Variants in ARHGAP24 observed in about 807,000 individuals in gnomAD.
The protein encoded by ARHGAP24 is Rho GTPase activating protein 24.
A neutral mutation model predicts 76.4 loss-of-function variants in ARHGAP24; 50 were observed. That is an observed-to-expected ratio of 0.65 (90% CI 0.52 to 0.83). The LOEUF (loss-of-function observed/expected upper bound fraction) is 0.83, where lower values mean the gene tolerates loss of function less well. Among genes scored for constraint, ARHGAP24 ranks in the 40% least tolerant of loss-of-function variants. The pLI is 0.00. For synonymous variants in ARHGAP24, 345 were observed against 323.3 expected, an observed-to-expected ratio of 1.07 and a Z score of -0.72; for missense variants, 930 against 914.2, an observed-to-expected ratio of 1.02 and a Z score of -0.22.
chr4:85,514,456 T>C (rs983716603), intron 1 of ARHGAP24, among the ~76,000 whole-genome samples: 5 of 152,312 alleles, frequency 3.3e-5, no homozygotes, highest in African/African-American at 2.4e-5. Context: ...TTTTCCTTTT[T>C]GCATGTGAAT....
intron 1 of ARHGAP24, among the ~76,000 whole-genome samples, chr4:85,524,336 C>T (rs956173493): frequency 2.6e-5 from 4 of 152,030 alleles, no homozygotes; most frequent in African/African-American, 9.7e-5. Flanking sequence ...TAAAATATTC[C>T]TTCTACTATT....
At chr4:85,693,013 G>A (rs1437716582) in intron 2 of ARHGAP24, among the ~76,000 whole-genome samples, 2 of 152,208 alleles carry the variant, frequency 1.3e-5, no homozygotes, top group East Asian at 3.8e-4. Context: ...TCTGCACAGG[G>A]TCTTTATTTG....
chr4:85,902,618 T>A (rs377219743), intron 3 of ARHGAP24, among the ~76,000 whole-genome samples: 1 of 152,204 alleles, frequency 6.6e-6, no homozygotes, highest in East Asian at 1.9e-4. Context: ...TTTTTTATTT[T>A]TTTGAACCGG....
At chr4:85,666,550 CT>C (rs1254203444) in intron 2 of ARHGAP24, among the ~76,000 whole-genome samples, 1 of 152,152 alleles carries the variant, frequency 6.6e-6, no homozygotes, top group Non-Finnish European at 1.5e-5. Context: ...AACTGCATTC[CT>C]TTGGAGGAGG....
chr4:85,604,492 C>T (rs1377167845), intron 2 of ARHGAP24, among the ~76,000 whole-genome samples: 1 of 152,226 alleles, frequency 6.6e-6, no homozygotes, highest in Non-Finnish European at 1.5e-5. Flanking sequence ...AAACACTAAA[C>T]AGCAGCCATT....
chr4:85,758,683 G>A (rs559995829), intron 3 of ARHGAP24, among the ~76,000 whole-genome samples: 8 of 152,258 alleles, frequency 5.3e-5, no homozygotes, highest in South Asian at 2.1e-4. Flanking sequence ...GAAGGACTTC[G>A]CGAGACATCA....
In ARHGAP24 at chr4:85,933,281, A is replaced by AT. The variant is rs551917304; in HGVS notation, c.392-8778dup. Among the ~76,000 whole-genome samples, 401 of 152,090 alleles carry AT rather than the reference A, an allele frequency of 2.6e-3. 1 individual carries two copies. Among genetic ancestry groups the AT allele is most frequent in the Non-Finnish European group, 4.2e-3 (286 of 67,970 alleles). ...CCTGATCCACATGTAAAATATATAT[A>AT]TTTTTTTACTGTTGTCAAAAGTAGG... On this transcript the variant is annotated intron_variant, in intron 4 of 9. Coordinates refer to ENST00000395184, the MANE Select transcript of ARHGAP24 (RefSeq NM_001025616.3).
At chr4:85,688,980 A>T (rs975490618) in intron 2 of ARHGAP24, among the ~76,000 whole-genome samples, 1 of 152,106 alleles carries the variant, frequency 6.6e-6, no homozygotes, top group Non-Finnish European at 1.5e-5. Flanking sequence ...GTTGGGTAGT[A>T]TGATGCCTTT....
intron 3 of ARHGAP24, among the ~76,000 whole-genome samples, chr4:85,729,483 T>C (rs147324244): frequency 6.6e-6 from 1 of 152,306 alleles, no homozygotes; most frequent in East Asian, 1.9e-4. Flanking sequence ...TCAACCAACA[T>C]ACATTTGGGG....
chr4:85,518,743 C>T (rs1212096889), intron 1 of ARHGAP24, among the ~76,000 whole-genome samples: 2 of 152,078 alleles, frequency 1.3e-5, no homozygotes, highest in Admixed American at 6.6e-5. Flanking sequence ...ATATTTACCA[C>T]AGTTTCTTTA....
chr4:85,661,666 C>A (rs938531014), intron 2 of ARHGAP24, among the ~76,000 whole-genome samples: 9 of 151,950 alleles, frequency 5.9e-5, no homozygotes, highest in East Asian at 1.9e-4. Context: ...ATCCCTCCCC[C>A]CTTCCCCCAC....
At chr4:85,650,822 A>C (rs7654408) in intron 2 of ARHGAP24, among the ~76,000 whole-genome samples, 4,109 of 149,410 alleles carry the variant, frequency 0.028, 710 homozygotes, top group African/African-American at 0.1. Context: ...GAAAGTATTG[A>C]TCCTAAAGGA....
At chr4:85,668,308 A>G (rs1428630964) in intron 2 of ARHGAP24, among the ~76,000 whole-genome samples, 1 of 152,252 alleles carries the variant, frequency 6.6e-6, no homozygotes, top group Admixed American at 6.5e-5. Flanking sequence ...AATGCTAAAC[A>G]GCTTTATTTC....
intron 8 of ARHGAP24, among the ~76,000 whole-genome samples, chr4:85,982,635 A>G (rs1029011114): frequency 2.6e-5 from 4 of 152,184 alleles, no homozygotes; most frequent in African/African-American, 9.7e-5. Flanking sequence ...ATTTAAAGAA[A>G]AAGTGTTCTT....
At chr4:85,688,102 C>T (rs531618688) in intron 2 of ARHGAP24, among the ~76,000 whole-genome samples, 7 of 152,260 alleles carry the variant, frequency 4.6e-5, no homozygotes, top group East Asian at 3.9e-4. Context: ...CGTGAGCCAC[C>T]GCACCTGGCC....
intron 2 of ARHGAP24, among the ~76,000 whole-genome samples, chr4:85,583,939 A>G (rs1387525575): frequency 1.6e-5 from 2 of 128,752 alleles, no homozygotes; most frequent in Non-Finnish European, 3.4e-5. Context: ...AAGTCAGGAA[A>G]CAACAGGTGC....
chr4:85,924,106 T>C (rs1353523814), intron 4 of ARHGAP24, among the ~76,000 whole-genome samples: 3 of 152,040 alleles, frequency 2.0e-5, no homozygotes, highest in Admixed American at 6.6e-5. Flanking sequence ...CATCTAGATA[T>C]GAAGTAAGAA....
At chr4:85,972,420 A>G in intron 6 of ARHGAP24, 2 of 492,264 alleles carry the variant, frequency 4.1e-6, no homozygotes, top group East Asian at 7.7e-5. Context: ...TCCCTAAATG[A>G]TAAATGCAGT....
At chr4:85,709,611 TA>T (rs142034743) in intron 2 of ARHGAP24, among the ~76,000 whole-genome samples, 2,231 of 152,206 alleles carry the variant, frequency 0.015, 47 homozygotes, top group African/African-American at 0.05. Flanking sequence ...TTTAGCATTT[TA>T]TTAATGACCC....
Sources: gnomAD v4.1 joint callset for allele counts (sites outside exome capture counted in the v4.1 genomes callset) on GRCh38, gnomAD v4.1.1 for gene constraint, MANE v1.5 for transcripts, NCBI Gene and HGNC (gene_info 2026-07-23, HGNC 2026-07-21) for gene names.